Variants in LHFPL6 observed in about 807,000 individuals in gnomAD.
LHFPL6 encodes LHFPL tetraspan subfamily member 6 protein.
LHFPL6 carries 9 observed loss-of-function variants against 20.6 expected under a neutral mutation model. The observed-to-expected ratio is 0.44, with a 90% confidence interval of 0.26 to 0.76. The LOEUF (loss-of-function observed/expected upper bound fraction) is 0.76, where lower values mean the gene tolerates loss of function less well. Ranked by LOEUF, LHFPL6 falls within the 30% of genes least tolerant of loss-of-function variation. The pLI is 0.20. For missense variants in LHFPL6, 218 were observed against 253.5 expected (o/e 0.86, Z 0.95); for synonymous variants, 105 against 98.7 (o/e 1.06, Z -0.38).
rs1466285072 is a variant in LHFPL6, at chr13:39,470,268, C to A, written c.386-91742G>T. On this transcript the variant is annotated intron_variant, in intron 2 of 3. Transcript: ENST00000379589. Reference sequence around the variant, plus strand: ...ATATATTCAAAGAAGTGCAAAAACCCCCAAATCTAATATGTTTAATTTGTT... The same window carrying A: ...ATATATTCAAAGAAGTGCAAAAACCACCAAATCTAATATGTTTAATTTGTT... Among the ~76,000 whole-genome samples, 6 of 152,154 alleles carry A rather than the reference C, an allele frequency of 3.9e-5. No homozygotes were observed. The East Asian group carries it at 1.2e-3, about 29-fold the overall frequency.
At position 39,601,266 on chromosome 13, in the gene LHFPL6, C is replaced by T; in HGVS notation, c.-50G>A. The T allele has an allele frequency of 6.5e-7, 1 of 1,538,124 alleles. No individual in the cohort carries two copies. The highest frequency in any genetic ancestry group is 1.8e-4 in the Middle Eastern group (1 of 5,516). On this transcript the variant is annotated 5_prime_UTR_variant, in exon 2 of 4. Coordinates refer to ENST00000379589, the MANE Select transcript of LHFPL6 (RefSeq NM_005780.3). ...ACCCCAAGTAAGTGTTCAGGGACTG[C>T]AGGAGTGAATGAAGGTGTGAAATCA...
intron 2 of LHFPL6, among the ~76,000 whole-genome samples, chr13:39,597,246 A>G (rs1872797698): frequency 1.3e-5 from 2 of 152,244 alleles, no homozygotes; most frequent in African/African-American, 4.8e-5. Flanking sequence ...CTGCACCAGC[A>G]GTTTCTTAAG....
intron 2 of LHFPL6, among the ~76,000 whole-genome samples, chr13:39,474,006 G>A (rs765289110): frequency 6.6e-6 from 1 of 152,234 alleles, no homozygotes; most frequent in Non-Finnish European, 1.5e-5. Context: ...TTAGGACAGA[G>A]TTTGGGGAAA....
intron 3 of LHFPL6, among the ~76,000 whole-genome samples, chr13:39,367,668 G>T (rs1478632514): frequency 3.3e-5 from 5 of 152,120 alleles, no homozygotes; most frequent in Admixed American, 3.3e-4. Context: ...TCAGGTGTCA[G>T]GAATCCATTT....
rs189919435 is a variant in LHFPL6, at chr13:39,387,697, G to A, written c.386-9171C>T. ...CATCCAGGTTGAGCCCTGAGCCAGT[G>A]CTCCTAACCCCTCTTCTCCAATGCC... On this transcript the variant is annotated intron_variant, in intron 2 of 3. Transcript: ENST00000379589. Among the ~76,000 whole-genome samples, 10 of 152,286 alleles carry A rather than the reference G, an allele frequency of 6.6e-5. No individual in the cohort carries two copies. In the East Asian group the frequency reaches 1.7e-3, roughly 26 times the overall value.
intron 2 of LHFPL6, among the ~76,000 whole-genome samples, chr13:39,379,084 C>T (rs956933384): frequency 3.3e-5 from 4 of 119,816 alleles, no homozygotes; most frequent in African/African-American, 1.2e-4. Context: ...TGAGCATCCA[C>T]GCATCTCAGA....
intron 2 of LHFPL6, among the ~76,000 whole-genome samples, chr13:39,541,487 G>A (rs1467070065): frequency 6.6e-6 from 1 of 152,102 alleles, no homozygotes; most frequent in Non-Finnish European, 1.5e-5. Context: ...CTTGCCATTA[G>A]CCTTCACTCC....
intron 2 of LHFPL6, among the ~76,000 whole-genome samples, chr13:39,545,333 A>T (rs1197982111): frequency 6.6e-6 from 1 of 151,442 alleles, no homozygotes; most frequent in Non-Finnish European, 1.5e-5. Flanking sequence ...CCTAGTTGGT[A>T]TTGGCTCTCT....
intron 2 of LHFPL6, among the ~76,000 whole-genome samples, chr13:39,527,759 C>A (rs895044668): frequency 3.3e-5 from 5 of 152,104 alleles, no homozygotes; most frequent in African/African-American, 1.2e-4. Flanking sequence ...AAATAGACTA[C>A]AAAATTGGCT....
At chr13:39,356,190 G>A (rs1283802317) in intron 3 of LHFPL6, among the ~76,000 whole-genome samples, 2 of 151,996 alleles carry the variant, frequency 1.3e-5, no homozygotes, top group Non-Finnish European at 2.9e-5. Flanking sequence ...TGACCATACT[G>A]AAATAAAAAT....
chr13:39,508,860 T>C (rs936620265), intron 2 of LHFPL6, among the ~76,000 whole-genome samples: 2 of 152,214 alleles, frequency 1.3e-5, no homozygotes, highest in African/African-American at 4.8e-5. Context: ...TAGATACCTA[T>C]GAATGGACTG....
At chr13:39,364,301 A>G (rs1202079953) in intron 3 of LHFPL6, among the ~76,000 whole-genome samples, 1 of 152,146 alleles carries the variant, frequency 6.6e-6, no homozygotes, top group Non-Finnish European at 1.5e-5. Flanking sequence ...TTCCCCTCTT[A>G]TCTAGAGTCC....
chr13:39,528,971 G>A (rs1460385487), intron 2 of LHFPL6, among the ~76,000 whole-genome samples: 1 of 152,236 alleles, frequency 6.6e-6, no homozygotes, highest in Non-Finnish European at 1.5e-5. Flanking sequence ...TTAAGGCAGT[G>A]CAAGTCAGCT....
intron 3 of LHFPL6, among the ~76,000 whole-genome samples, chr13:39,347,202 G>A (rs1262496488): frequency 6.6e-6 from 1 of 151,530 alleles, no homozygotes; most frequent in African/African-American, 2.4e-5. Flanking sequence ...TCTCTCCTGT[G>A]TCTTGTCTCT....
chr13:39,509,788 C>A (rs1328339499), intron 2 of LHFPL6, among the ~76,000 whole-genome samples: 4 of 151,922 alleles, frequency 2.6e-5, no homozygotes, highest in Non-Finnish European at 5.9e-5. Context: ...AGCAAGACCT[C>A]ATCTGTACAA....
intron 2 of LHFPL6, among the ~76,000 whole-genome samples, chr13:39,391,960 C>T (rs967191123): frequency 2.0e-4 from 31 of 152,118 alleles, no homozygotes; most frequent in African/African-American, 6.3e-4. Flanking sequence ...TTTTCCTTTC[C>T]GTTTTCTTTC....
intron 2 of LHFPL6, among the ~76,000 whole-genome samples, chr13:39,415,833 A>T (rs183511669): frequency 1.3e-5 from 2 of 152,370 alleles, no homozygotes; most frequent in East Asian, 3.9e-4. Context: ...AGCCTTTCTC[A>T]TTTGCAGCCA....
intron 2 of LHFPL6, among the ~76,000 whole-genome samples, chr13:39,391,420 TTA>T (rs1870705710): frequency 6.6e-6 from 1 of 152,124 alleles, no homozygotes; most frequent in South Asian, 2.1e-4. Context: ...TCCTCATCAG[TTA>T]AGAAGGAATA....
chr13:39,437,078 G>A (rs1035438299), intron 2 of LHFPL6, among the ~76,000 whole-genome samples: 1 of 152,318 alleles, frequency 6.6e-6, no homozygotes, highest in East Asian at 1.9e-4. Context: ...CTGGTAGATG[G>A]TAAGTGCTCA....
Sources: allele counts gnomAD v4.1 joint callset (sites outside exome capture counted in the v4.1 genomes callset), GRCh38; gene constraint gnomAD v4.1.1; transcripts MANE v1.5; gene names NCBI Gene and HGNC (gene_info 2026-07-23, HGNC 2026-07-21).